SLC6A17: variants seen among roughly 807,000 people sequenced by gnomAD.
SLC6A17 encodes the protein solute carrier family 6 member 17.
Under a neutral mutation model 64.5 loss-of-function variants are expected in SLC6A17, and 21 were observed. The ratio of observed to expected loss-of-function variants is 0.33; its 90% CI spans 0.23 to 0.47. The LOEUF (loss-of-function observed/expected upper bound fraction) is 0.47. SLC6A17 is among the 20% of genes least tolerant of loss of function. The probability of loss-of-function intolerance (pLI) is 1.00; values close to 1 mark genes in which losing one functional copy is unlikely to be tolerated. For missense variants in SLC6A17, 682 were observed against 963.2 expected (o/e 0.71, Z 3.86); for synonymous variants, 372 against 399.5 (o/e 0.93, Z 0.82).
At chr1:110,194,959 T>C (rs1656922287) in intron 9 of SLC6A17, 188 bp downstream of exon 9, 1 of 732,316 alleles carries the variant, frequency 1.4e-6, no homozygotes, top group African/African-American at 1.8e-5. Context: ...AGAAAGCTAC[T>C]TGGAAATCTG....
intron 6 of SLC6A17, among the ~76,000 whole-genome samples, chr1:110,191,060 C>CA (rs1656813003): frequency 6.6e-6 from 1 of 152,200 alleles, no homozygotes; most frequent in Non-Finnish European, 1.5e-5. Context: ...TACGTACAGG[C>CA]ATTACTTGTT....
chr1:110,182,594 G>A (rs78705080), intron 6 of SLC6A17, among the ~76,000 whole-genome samples: 6 of 149,488 alleles, frequency 4.0e-5, no homozygotes, highest in South Asian at 4.3e-4. Context: ...GTGGGTGGGC[G>A]GTGGCGGGGA....
At chr1:110,169,419 G>A (rs543876284) in intron 2 of SLC6A17, among the ~76,000 whole-genome samples, 43 of 152,100 alleles carry the variant, frequency 2.8e-4, no homozygotes, top group Non-Finnish European at 5.0e-4. Context: ...AATTTTATAC[G>A]TAACATTTTC....
intron 3 of SLC6A17, 63 bp from the exon 4 acceptor site, chr1:110,173,910 G>T: frequency 2.8e-5 from 43 of 1,532,472 alleles, no homozygotes; most frequent in Admixed American, 1.7e-4. Context: ...GCCTCGGGTG[G>T]AGCGTGGGGG....
chr1:110,200,327 T>TC lies in SLC6A17; in HGVS notation c.*1887dup, dbSNP rs1657091311. The stretch of plus-strand genomic sequence containing the variant: ...TTGAGGGGAGAGAGAGACCCACATC[T>TC]CCCCAAAGAGATGAGCTTTTGGGGC... On this transcript the variant is annotated 3_prime_UTR_variant, in exon 12 of 12. Transcript: ENST00000331565. 2.7e-6 allele frequency: 1 copy of TC among 377,354 alleles called. No homozygotes were observed. 23.4% of individuals were successfully genotyped at this position (377,354 alleles called of 1,614,324 possible).
intron 8 of SLC6A17, among the ~76,000 whole-genome samples, chr1:110,193,046 A>G (rs1050918850): frequency 2.0e-5 from 3 of 152,174 alleles, no homozygotes; most frequent in Non-Finnish European, 4.4e-5. Context: ...GGTGTGCATC[A>G]AAGAAGTGTT....
Position 110,166,933 on chromosome 1 carries a change from C to A in SLC6A17, c.4C>A (p.Pro2Thr), listed in dbSNP as rs1466735779. 3 of 1,605,010 alleles carry A rather than the reference C, an allele frequency of 1.9e-6. No homozygotes were observed. The highest frequency in any genetic ancestry group is 1.3e-5 in the African/African-American group (1 of 74,792). M[P>T]KNSKVTQREH... ...CTACACGGCCCAGGTGGCATCAATG[C>A]CGAAGAACAGCAAAGTGACCCAGCG... Residue 2 changes from proline (P) to threonine (T), a missense_variant, in exon 2 of 12, where the codon CCG (proline) becomes ACG (threonine). Coordinates refer to ENST00000331565, the MANE Select transcript of SLC6A17 (RefSeq NM_001010898.4).
At chr1:110,176,512 G>A in intron 5 of SLC6A17, 117 bp from the exon 6 acceptor site, 2 of 947,360 alleles carry the variant, frequency 2.1e-6, no homozygotes, top group Non-Finnish European at 3.3e-6. Context: ...GGGGTTCCAG[G>A]GCTCTGTTTT....
chr1:110,198,632 G>A lies in SLC6A17; in HGVS notation c.*188G>A, dbSNP rs1657036972. 16 of 1,013,824 alleles carry A rather than the reference G, an allele frequency of 1.6e-5. No individual in the cohort carries two copies. The highest frequency in any genetic ancestry group is 1.8e-5 in the Non-Finnish European group (13 of 720,972). 62.8% of individuals were successfully genotyped at this position (1,013,824 alleles called of 1,614,324 possible). A position where few individuals can be genotyped will look rare whatever the true frequency, so the allele number is the denominator to read the frequency against. On this transcript the variant is annotated 3_prime_UTR_variant, in exon 12 of 12. Transcript: ENST00000331565. ...GCTCCCTAGCCCTGAGCAGGAGGCT[G>A]GGAGCAGCTCTGTTTCCTAATTCAG...
At position 110,167,118 on chromosome 1, in the gene SLC6A17, G is replaced by T. The variant is rs769915603; in HGVS notation, c.189G>T (p.Trp63Cys). ...EELDAEDRPAWNSKLQYILAQ... is the reference protein window; with the variant it reads ...EELDAEDRPACNSKLQYILAQ... ...TGGATGCAGAGGACCGGCCGGCCTGGAACAGTAAGCTGCAGTACATCCTGG... is the reference window on the plus strand; with the variant it reads ...TGGATGCAGAGGACCGGCCGGCCTGTAACAGTAAGCTGCAGTACATCCTGG... Residue 63 changes from tryptophan to cysteine, a missense_variant, in exon 2 of 12, where the codon TGG becomes TGT. By Grantham distance (215) the Trp-to-Cys change is radical. This residue lies in a region of SLC6A17 where 415 missense variants were observed against 603.8 expected (regional missense o/e 0.69). Coordinates refer to ENST00000331565, the MANE Select transcript of SLC6A17 (RefSeq NM_001010898.4). 1.2e-6 allele frequency: 2 copies of T among 1,613,472 alleles called. No homozygotes were observed. The highest frequency in any genetic ancestry group is 1.7e-6 in the Non-Finnish European group (2 of 1,179,868).
chr1:110,181,186 A>C (rs745512619), intron 6 of SLC6A17, among the ~76,000 whole-genome samples: 1 of 152,178 alleles, frequency 6.6e-6, no homozygotes, highest in Non-Finnish European at 1.5e-5. Context: ...GCAATTAATC[A>C]TGTGATTTGC....
chr1:110,161,200 A>T (rs932900079), intron 1 of SLC6A17, among the ~76,000 whole-genome samples: 2 of 152,208 alleles, frequency 1.3e-5, no homozygotes, highest in African/African-American at 4.8e-5. Flanking sequence ...CTCTGATAAT[A>T]GTCCGGCCTG....
chr1:110,193,529 C>T (rs1243384904), intron 8 of SLC6A17, among the ~76,000 whole-genome samples: 3 of 152,252 alleles, frequency 2.0e-5, no homozygotes, highest in African/African-American at 7.2e-5. Flanking sequence ...AGCCAGCTCC[C>T]ATCAGCCTGG....
At position 110,197,454 on chromosome 1, in the gene SLC6A17, C is replaced by G. The variant is rs192726510; in HGVS notation, c.1670C>G (p.Thr557Arg). The G allele has an allele frequency of 1.6e-5, 26 of 1,612,570 alleles. No homozygotes were observed. Among genetic ancestry groups the G allele is most frequent in the Non-Finnish European group, 2.1e-5 (25 of 1,179,430 alleles). The change falls in exon 11 of 12, where the codon ACG (threonine) becomes AGG (arginine). Residue 557 changes from threonine (T) to arginine (R), a missense_variant. Coordinates refer to ENST00000331565, the MANE Select transcript of SLC6A17 (RefSeq NM_001010898.4). ...CCTGGCAGGTTCATGCAGGAGCTGACGGAGATGCTGGGCTTCCGCCCCTAC... is the reference window on the plus strand; with the variant it reads ...CCTGGCAGGTTCATGCAGGAGCTGAGGGAGATGCTGGGCTTCCGCCCCTAC... ...YGTKKFMQEL[T>R]EMLGFRPYRF...
At chr1:110,151,716 C>T (rs372923788) in intron 1 of SLC6A17, among the ~76,000 whole-genome samples, 1 of 152,174 alleles carries the variant, frequency 6.6e-6, no homozygotes, top group Non-Finnish European at 1.5e-5. Flanking sequence ...TTCAGAAATC[C>T]CAAGGCCATT....
rs1656846577 is a variant in SLC6A17, at chr1:110,192,250, TGTC to T, written c.1106+38_1106+40del. On this transcript the variant is annotated intron_variant, in intron 7 of 11. Coordinates refer to ENST00000331565, the MANE Select transcript of SLC6A17 (RefSeq NM_001010898.4). This position sits in a 1 kb window ranked among gnomAD's most constrained non-coding sequence, Gnocchi z 4.3. ...CTCTCCTCCTGTCCCTCCTTCTCCC[TGTC>T]TACCTTACCTGGGAGTGGGCAGGGG... 1 of 1,585,160 alleles carries T rather than the reference TGTC, an allele frequency of 6.3e-7. No homozygotes were observed. The highest frequency in any genetic ancestry group is 8.6e-7 in the Non-Finnish European group (1 of 1,162,800).
At chr1:110,196,973 A>G (rs1656985791) in intron 10 of SLC6A17, among the ~76,000 whole-genome samples, 1 of 152,228 alleles carries the variant, frequency 6.6e-6, no homozygotes, top group African/African-American at 2.4e-5. Flanking sequence ...TATGCCATTC[A>G]AGCACAAGCC....
At position 110,198,257 on chromosome 1, in the gene SLC6A17, A is replaced by T. The variant is rs200671515; in HGVS notation, c.1997A>T (p.Asn666Ile). Reference sequence around the variant, plus strand: ...GGCCGCATGATGAAGGACATCTCCAACCTGGAGGAGAACGATGAGACCCGC... The same window carrying T: ...GGCCGCATGATGAAGGACATCTCCATCCTGGAGGAGAACGATGAGACCCGC... ...KKGRMMKDISNLEENDETRFI... is the reference protein window; with the variant it reads ...KKGRMMKDISILEENDETRFI... The change falls in exon 12 of 12, where the codon AAC (asparagine) becomes ATC (isoleucine). Residue 666 changes from asparagine (N) to isoleucine (I), a missense_variant. By Grantham distance (149) the Asn-to-Ile change is moderately radical. Coordinates refer to ENST00000331565, the MANE Select transcript of SLC6A17 (RefSeq NM_001010898.4). The T allele has an allele frequency of 2.3e-5, 37 of 1,614,140 alleles. No homozygotes were observed. Among genetic ancestry groups the T allele is most frequent in the Non-Finnish European group, 3.1e-5 (37 of 1,180,008 alleles).
intron 6 of SLC6A17, among the ~76,000 whole-genome samples, chr1:110,181,375 A>G (rs769303269): frequency 7.9e-5 from 12 of 152,376 alleles, no homozygotes; most frequent in Middle Eastern, 3.4e-3. Flanking sequence ...TCATTACAGC[A>G]TTTGTTTTAG....
Sources: gnomAD v4.1 joint callset for allele counts (sites outside exome capture counted in the v4.1 genomes callset) on GRCh38, gnomAD v4.1.1 for gene constraint, gnomAD v4.1.1 regional missense constraint, Gnocchi (gnomAD v3.1) non-coding constraint, MANE v1.5 for transcripts, NCBI Gene and HGNC (gene_info 2026-07-23, HGNC 2026-07-21) for gene names.